The following SETD2 variants were observed in gnomAD, a reference collection of about 807,000 sequenced individuals.
SETD2 encodes histone-lysine N-methyltransferase SETD2.
Under a neutral mutation model 242.1 loss-of-function variants are expected in SETD2, and 31 were observed. That is an observed-to-expected ratio of 0.13 (90% CI 0.10 to 0.17). The LOEUF is 0.17. Ranked by LOEUF, SETD2 falls within the 10% of genes least tolerant of loss-of-function variation. SETD2 has a pLI of 1.00. For synonymous variants in SETD2, 1,006 were observed against 1,066.5 expected (o/e 0.94, Z 1.11); for missense variants, 2,481 against 3,046.3 (o/e 0.81, Z 4.37).
In SETD2 at chr3:47,082,709, A is replaced by G. The variant is rs184739396; in HGVS notation, c.6060+1011T>C. Among the ~76,000 whole-genome samples, 252 of 152,328 alleles carry G rather than the reference A, an allele frequency of 1.7e-3. 2 individuals are homozygous for G. The highest frequency in any genetic ancestry group is 5.4e-3 in the African/African-American group (224 of 41,570). ...GGTAAACAAAAGCTGAAACCACAACATACTTAAAGAAGGGTCTCAACACAG... is the reference window on the plus strand; with the variant it reads ...GGTAAACAAAAGCTGAAACCACAACGTACTTAAAGAAGGGTCTCAACACAG... On this transcript the variant is annotated intron_variant, in intron 12 of 20. Transcript: ENST00000409792.
intron 12 of SETD2, among the ~76,000 whole-genome samples, chr3:47,070,150 C>T (rs570821444): frequency 6.6e-6 from 1 of 152,298 alleles, no homozygotes; most frequent in South Asian, 2.1e-4. Flanking sequence ...TGGGGACCCA[C>T]TCTGTAGCGG....
At chr3:47,114,858 G>A (rs1422487940) in intron 4 of SETD2, among the ~76,000 whole-genome samples, 10 of 136,044 alleles carry the variant, frequency 7.4e-5, no homozygotes, top group African/African-American at 2.5e-4. Flanking sequence ...TAGCCTGGGC[G>A]ACAGAGGGAG....
In SETD2 at chr3:47,122,252, C is replaced by A. The variant is rs1168186509; in HGVS notation, c.2384G>T (p.Cys795Phe). The A allele has an allele frequency of 6.2e-7, 1 of 1,614,068 alleles. No homozygotes were observed. The highest frequency in any genetic ancestry group is 1.1e-5 in the South Asian group (1 of 91,084). ...CCKTKDSDIY[C>F]TLNDSNPSLC... ...AGAAGGGTTGCTATCGTTCAAAGTA[C>A]AGTATATGTCTGAATCTTTGGTTTT... is the stretch of plus-strand genomic sequence containing the variant. Residue 795 changes from cysteine (C) to phenylalanine (F), a missense_variant, in exon 3 of 21, where the codon TGT becomes TTT. This residue lies in a region of SETD2 where 1,300 missense variants were observed against 1,259.2 expected (regional missense o/e 1.03). Coordinates refer to ENST00000409792, the MANE Select transcript of SETD2 (RefSeq NM_014159.7).
intron 19 of SETD2, among the ~76,000 whole-genome samples, chr3:47,019,238 C>CTT (rs2038113591): frequency 6.6e-6 from 1 of 152,198 alleles, no homozygotes; most frequent in Admixed American, 6.5e-5. Flanking sequence ...AGCCAGAACG[C>CTT]CTGAGTTCAA....
intron 1 of SETD2, among the ~76,000 whole-genome samples, chr3:47,155,418 CA>C (rs1364739302): frequency 2.6e-5 from 4 of 152,120 alleles, no homozygotes; most frequent in African/African-American, 7.2e-5. Flanking sequence ...ACAAACGTGG[CA>C]AAATTCCAAT....
intron 1 of SETD2, among the ~76,000 whole-genome samples, chr3:47,151,944 G>C (rs1476989596): frequency 1.3e-5 from 2 of 151,902 alleles, no homozygotes; most frequent in Non-Finnish European, 2.9e-5. Flanking sequence ...TACTATAATT[G>C]GGGGAACAGT....
chr3:47,124,262 G>A lies in SETD2; in HGVS notation c.374C>T (p.Ser125Phe), dbSNP rs2106724071. ...KMKMEIGDTL[S>F]TAEESSPPKS... ...TGGTGGGGAAGATTCTTCTGCAGTA[G>A]ATAAGGTATCACCAATTTCCATTTT... is the stretch of plus-strand genomic sequence containing the variant. The change falls in exon 3 of 21, where the codon TCT becomes TTT. Residue 125 changes from serine (S) to phenylalanine (F), a missense_variant. Ser to Phe is a radical substitution (Grantham distance 155). Coordinates refer to ENST00000409792, the MANE Select transcript of SETD2 (RefSeq NM_014159.7). The A allele has an allele frequency of 6.4e-7, 1 of 1,551,722 alleles. No individual in the cohort carries two copies. Among genetic ancestry groups the A allele is most frequent in the South Asian group, 1.2e-5 (1 of 84,064 alleles).
At chr3:47,051,229 C>A (rs778493593) in intron 15 of SETD2, among the ~76,000 whole-genome samples, 3 of 151,916 alleles carry the variant, frequency 2.0e-5, no homozygotes, top group Non-Finnish European at 2.9e-5. Context: ...CTCAGCCTCC[C>A]GAGTAGCTGG....
At chr3:47,129,826 G>T (rs2043435320) in intron 1 of SETD2, among the ~76,000 whole-genome samples, 1 of 151,678 alleles carries the variant, frequency 6.6e-6, no homozygotes, top group South Asian at 2.1e-4. Flanking sequence ...GGAGGTTGCA[G>T]TGAGATCACG....
intron 15 of SETD2, chr3:47,046,837 C>A: frequency 6.2e-6 from 2 of 323,644 alleles, no homozygotes; most frequent in Non-Finnish European, 1.1e-5. Flanking sequence ...TTTGATTTTA[C>A]TTTATCATAA....
At chr3:47,041,567 T>C (rs983835141) in intron 17 of SETD2, among the ~76,000 whole-genome samples, 3 of 152,060 alleles carry the variant, frequency 2.0e-5, no homozygotes, top group Admixed American at 1.3e-4. Flanking sequence ...AATAGATTAG[T>C]AAATAAAGCA....
chr3:47,119,991 C>T lies in SETD2; in HGVS notation c.4454+191G>A, dbSNP rs561073690. On this transcript the variant is annotated intron_variant, in intron 3 of 20. Transcript: ENST00000409792. ...ATCTCCTTTCCTGGGGATGGGGCGG[C>T]GGGGGGAATGGGGAAAGGAATCTAT... Among the ~76,000 whole-genome samples the T allele has an allele frequency of 1.2e-4, 14 of 121,144 alleles. No individual in the cohort carries two copies. The East Asian group carries it at 1.5e-3, about 13-fold the overall frequency. The allele number at this position is 121,144 out of a possible 152,430, so 79.5% of individuals were successfully genotyped here.
intron 1 of SETD2, among the ~76,000 whole-genome samples, chr3:47,148,907 G>C (rs2043922779): frequency 6.6e-6 from 1 of 152,178 alleles, no homozygotes; most frequent in African/African-American, 2.4e-5. Flanking sequence ...TTCCAGTAAA[G>C]ATTTCAGACT....
intron 12 of SETD2, among the ~76,000 whole-genome samples, chr3:47,071,657 T>C (rs373957281): frequency 1.3e-5 from 2 of 151,898 alleles, no homozygotes; most frequent in African/African-American, 4.8e-5. Flanking sequence ...CTGCTGGAGA[T>C]TGCCCAGACA....
At position 47,017,349 on chromosome 3, in the gene SETD2, AG is replaced by A; in HGVS notation, c.7534-96del. On this transcript the variant is annotated intron_variant, in intron 20 of 20. Transcript: ENST00000409792. This position sits in a 1 kb window ranked among gnomAD's most constrained non-coding sequence, Gnocchi z 4.8. ...GGGTGGTAATCCAGCCTGCTGCTTCAGGGCCCTTCTCACCAAGACAGGAAGT... is the reference window on the plus strand; with the variant it reads ...GGGTGGTAATCCAGCCTGCTGCTTCAGGCCCTTCTCACCAAGACAGGAAGT... 7.4e-7 allele frequency: 1 copy of A among 1,356,740 alleles called. No homozygotes were observed. The allele number at this position is 1,356,740 out of a possible 1,614,324, so 84.0% of individuals were successfully genotyped here.
chr3:47,129,298 T>C (rs2043423216), intron 1 of SETD2, among the ~76,000 whole-genome samples: 1 of 152,168 alleles, frequency 6.6e-6, no homozygotes, highest in Non-Finnish European at 1.5e-5. Flanking sequence ...ATTAAAAGCA[T>C]TTAGTGTTAA....
chr3:47,070,656 C>G (rs886132862), intron 12 of SETD2, among the ~76,000 whole-genome samples: 1 of 152,148 alleles, frequency 6.6e-6, no homozygotes, highest in African/African-American at 2.4e-5. Flanking sequence ...GAGTCTGTTA[C>G]AGAAAATGTT....
At chr3:47,164,331 G>A (rs975413531), upstream of SETD2, among the ~76,000 whole-genome samples, 7 of 151,928 alleles carry the variant, frequency 4.6e-5, no homozygotes, top group Admixed American at 4.6e-4. The surrounding 1 kb of genome is among the most constrained non-coding windows in gnomAD (Gnocchi z 5.4). Context: ...ATAAACCCCC[G>A]GCCCCAGTGA....
In SETD2 at chr3:47,120,412, C is replaced by A. The variant is rs2107741256; in HGVS notation, c.4224G>T (p.Arg1408Ser). Residue 1408 changes from arginine to serine, a missense_variant, in exon 3 of 21, where the codon AGG becomes AGT. Arg to Ser is a moderately radical substitution (Grantham distance 110). Coordinates refer to ENST00000409792, the MANE Select transcript of SETD2 (RefSeq NM_014159.7). Reference protein sequence around the residue: ...IKDRGPLKKRRQEIESDSESD... With the variant: ...IKDRGPLKKRSQEIESDSESD... The stretch of plus-strand genomic sequence containing the variant: ...TTTCAGAATCACTCTCTATTTCCTG[C>A]CTCCTTTTTTTAAGAGGCCCTCTAT... 6.2e-7 allele frequency: 1 copy of A among 1,611,528 alleles called. No homozygotes were observed. The highest frequency in any genetic ancestry group is 1.7e-5 in the Admixed American group (1 of 59,178).
Sources: allele counts gnomAD v4.1 joint callset (sites outside exome capture counted in the v4.1 genomes callset), GRCh38; gene constraint gnomAD v4.1.1; regional missense constraint gnomAD v4.1.1; non-coding constraint Gnocchi (gnomAD v3.1); transcripts MANE v1.5; gene names NCBI Gene and HGNC (gene_info 2026-07-23, HGNC 2026-07-21).